ZNF407: variants seen among roughly 807,000 people sequenced by gnomAD.
The protein encoded by ZNF407 is zinc finger protein 407.
Under a neutral mutation model 131.2 loss-of-function variants are expected in ZNF407, and 17 were observed. The ratio of observed to expected loss-of-function variants is 0.13; its 90% CI spans 0.09 to 0.19. The LOEUF (loss-of-function observed/expected upper bound fraction) is 0.19. Among genes scored for constraint, ZNF407 ranks in the 10% least tolerant of loss-of-function variants. The probability of loss-of-function intolerance (pLI) is 1.00; values close to 1 mark genes in which losing one functional copy is unlikely to be tolerated. For missense variants in ZNF407, 2,681 were observed against 2,830.6 expected, an observed-to-expected ratio of 0.95 and a Z score of 1.20; for synonymous variants, 1,156 against 1,062.0, an observed-to-expected ratio of 1.09 and a Z score of -1.72.
intron 4 of ZNF407, among the ~76,000 whole-genome samples, chr18:74,788,166 C>T (rs1969756500): frequency 6.6e-6 from 1 of 152,064 alleles, no homozygotes. Flanking sequence ...TTTATTTTTT[C>T]CTTATGGGGA....
At chr18:74,820,272 C>T (rs529636985) in intron 4 of ZNF407, among the ~76,000 whole-genome samples, 60 of 152,272 alleles carry the variant, frequency 3.9e-4, no homozygotes, top group Non-Finnish European at 7.8e-4. Context: ...GGAGCAGGCC[C>T]CACAGGCAAC....
At position 74,818,979 on chromosome 18, in the gene ZNF407, G is replaced by C. The variant is rs372839379; in HGVS notation, c.4877+37477G>C. On this transcript the variant is annotated intron_variant, in intron 4 of 8. Transcript: ENST00000299687. The stretch of plus-strand genomic sequence containing the variant: ...TGTCTCCCTCCTGCCCTTCTGCGCT[G>C]AGACATGTCACAGCTGGAAACATGG... 3.0e-4 allele frequency among the ~76,000 whole-genome samples: 45 copies of C among 151,980 alleles called. 2 individuals carry two copies. The South Asian group carries it at 8.5e-3, about 29-fold the overall frequency.
At chr18:75,019,597 G>T (rs1973083446) in intron 8 of ZNF407, among the ~76,000 whole-genome samples, 1 of 152,088 alleles carries the variant, frequency 6.6e-6, no homozygotes, top group African/African-American at 2.4e-5. Context: ...CCTTTGTCCA[G>T]AATATCCCCG....
chr18:74,643,323 T>G (rs1984809696), intron 3 of ZNF407, among the ~76,000 whole-genome samples: 2 of 152,116 alleles, frequency 1.3e-5, no homozygotes, highest in Non-Finnish European at 2.9e-5. Flanking sequence ...TAGCTTTAAT[T>G]GCTATAAATT....
intron 4 of ZNF407, among the ~76,000 whole-genome samples, chr18:74,841,891 T>C (rs943594458): frequency 6.6e-6 from 1 of 152,222 alleles, no homozygotes. Context: ...TCATGTTATC[T>C]CCTACGTTTG....
chr18:74,611,455 C>T (rs1983056071), intron 1 of ZNF407, among the ~76,000 whole-genome samples: 1 of 152,144 alleles, frequency 6.6e-6, no homozygotes. Flanking sequence ...GACAAATGAC[C>T]TAAGTAGGCA....
At position 74,957,443 on chromosome 18, in the gene ZNF407, T is replaced by G. The variant is rs1020323966; in HGVS notation, c.5428+36751T>G. Among the ~76,000 whole-genome samples the G allele has an allele frequency of 1.1e-4, 16 of 152,134 alleles. 1 individual carries two copies. Among genetic ancestry groups the G allele is most frequent in the African/African-American group, 3.9e-4 (16 of 41,494 alleles). On this transcript the variant is annotated intron_variant, in intron 8 of 8. Coordinates refer to ENST00000299687, the MANE Select transcript of ZNF407 (RefSeq NM_017757.3). Reference sequence around the variant, plus strand: ...ATTCACTCTCTCCTCTCTGTTGTCTTCCTAGTGGAGCATTCTAGATGAGGG... The same window carrying G: ...ATTCACTCTCTCCTCTCTGTTGTCTGCCTAGTGGAGCATTCTAGATGAGGG...
At chr18:75,060,507 C>CTTTTTTTTTTTTTTT (rs564194650) in intron 8 of ZNF407, among the ~76,000 whole-genome samples, 2 of 124,464 alleles carry the variant, frequency 1.6e-5, no homozygotes, top group Non-Finnish European at 3.2e-5. Context: ...TTCTTTTTTT[C>CTTTTTTTTTTTTTTT]TTTTTTTTTT....
chr18:74,867,832 T>C (rs923518722), intron 4 of ZNF407, among the ~76,000 whole-genome samples: 4 of 152,240 alleles, frequency 2.6e-5, no homozygotes, highest in African/African-American at 9.6e-5. Context: ...GCATATCAGT[T>C]TCCTGATGAG....
At chr18:74,612,849 A>G (rs1402798591) in intron 1 of ZNF407, among the ~76,000 whole-genome samples, 1 of 152,222 alleles carries the variant, frequency 6.6e-6, no homozygotes, top group East Asian at 1.9e-4. Flanking sequence ...GGTCAGAGGA[A>G]GAAGACAAGC....
chr18:75,006,590 A>G (rs1469757436), intron 8 of ZNF407, among the ~76,000 whole-genome samples: 1 of 152,206 alleles, frequency 6.6e-6, no homozygotes, highest in Non-Finnish European at 1.5e-5. Flanking sequence ...TTATTAATCT[A>G]TAATATAATT....
rs145704783 is a variant in ZNF407 at position 74,708,722 on chromosome 18, G to A, written c.4802+67600G>A. ...TTCTCATCCTTCCTTGGTGGGGTCT[G>A]CCAGCTTGCTGTATGGCTGCCACAA... is the stretch of plus-strand genomic sequence containing the variant. On this transcript the variant is annotated intron_variant, in intron 3 of 8. Transcript: ENST00000299687. Among the ~76,000 whole-genome samples, 45 of 152,362 alleles carry A rather than the reference G, an allele frequency of 3.0e-4. 1 individual carries two copies. In the East Asian group the frequency reaches 8.5e-3, roughly 29 times the overall value.
intron 7 of ZNF407, among the ~76,000 whole-genome samples, chr18:74,911,201 T>C (rs1380597542): frequency 6.6e-6 from 1 of 152,234 alleles, no homozygotes; most frequent in Non-Finnish European, 1.5e-5. Context: ...TATATGTGCA[T>C]TTGTAAAGAT....
intron 8 of ZNF407, among the ~76,000 whole-genome samples, chr18:74,972,902 A>G (rs1490307077): frequency 6.6e-6 from 1 of 152,060 alleles, no homozygotes; most frequent in African/African-American, 2.4e-5. Context: ...CTCTTTAACA[A>G]TCTCTGTTAT....
At position 75,064,030 on chromosome 18, in the gene ZNF407, C is replaced by G. The variant is rs1241140965; in HGVS notation, c.6309C>G (p.Thr2103=). The change falls in exon 9 of 9, where the codon ACC becomes ACG. Residue 2103 remains threonine (T), a synonymous_variant. Coordinates refer to ENST00000299687, the MANE Select transcript of ZNF407 (RefSeq NM_017757.3). ...GCCAGTTGGTCAAGGACGGTGTCAC[C>G]CAGGTGGTGGTGAGCGAAGAGGGTG... is the stretch of plus-strand genomic sequence containing the variant. ...AAGQLVKDGV[T]QVVVSEEGAV... The G allele has an allele frequency of 6.2e-7, 1 of 1,603,908 alleles. No individual in the cohort carries two copies.
chr18:74,998,093 C>T (rs111598156), intron 8 of ZNF407, among the ~76,000 whole-genome samples: 4 of 152,276 alleles, frequency 2.6e-5, no homozygotes, highest in South Asian at 2.1e-4. Context: ...GCTGCACCCA[C>T]GGGCTCACCA....
intron 4 of ZNF407, among the ~76,000 whole-genome samples, chr18:74,875,469 A>G (rs1971142693): frequency 1.3e-5 from 2 of 152,218 alleles, no homozygotes; most frequent in South Asian, 4.1e-4. Context: ...TAAAATCTGG[A>G]GAAACTATTT....
intron 8 of ZNF407, among the ~76,000 whole-genome samples, chr18:74,989,282 T>A (rs1972690060): frequency 6.6e-6 from 1 of 152,168 alleles, no homozygotes; most frequent in Non-Finnish European, 1.5e-5. Context: ...AGATATTTGA[T>A]TGACAGGATG....
intron 1 of ZNF407, among the ~76,000 whole-genome samples, chr18:74,604,359 G>A (rs1032760166): frequency 7.6e-5 from 9 of 118,718 alleles, no homozygotes; most frequent in African/African-American, 2.3e-4. Flanking sequence ...TTGCTTGTCT[G>A]CTATGTCCAC....
Sources: allele counts gnomAD v4.1 joint callset (sites outside exome capture counted in the v4.1 genomes callset), GRCh38; gene constraint gnomAD v4.1.1; transcripts MANE v1.5; gene names NCBI Gene and HGNC (gene_info 2026-07-23, HGNC 2026-07-21).